The following MSH6 variants were observed in gnomAD, a reference collection of about 807,000 sequenced individuals.
The protein encoded by MSH6 is DNA mismatch repair protein Msh6.
Under a neutral mutation model 119.1 loss-of-function variants are expected in MSH6, and 85 were observed. That is an observed-to-expected ratio of 0.71 (90% CI 0.60 to 0.85). The LOEUF is 0.85. Ranked by LOEUF, MSH6 falls within the 40% of genes least tolerant of loss-of-function variation. The pLI, the probability that MSH6 is intolerant of heterozygous loss-of-function variation, is 0.00. For missense variants in MSH6, 2,163 were observed against 1,655.3 expected, an observed-to-expected ratio of 1.31 and a Z score of -5.32; for synonymous variants, 830 against 586.9, an observed-to-expected ratio of 1.41 and a Z score of -5.99.
Position 47,806,629 on chromosome 2 carries a change from A to C in MSH6, c.3979A>C (p.Asn1327His), listed in dbSNP as rs756216566. 2.2e-5 allele frequency: 35 copies of C among 1,611,910 alleles called. No homozygotes were observed. The highest frequency in any genetic ancestry group is 3.0e-5 in the Non-Finnish European group (35 of 1,179,726). Residue 1327 changes from asparagine (N) to histidine (H), a missense_variant, in exon 9 of 10, where the codon AAT becomes CAT. Transcript: ENST00000234420. Reference protein sequence around the residue: ...HRKAREFEKMNQSLRLFREVC... With the variant: ...HRKAREFEKMHQSLRLFREVC... ...AAAAGCAAGAGAATTTGAGAAGATG[A>C]ATCAGTCACTACGATTATTTCGGTA...
intron 2 of MSH6, among the ~76,000 whole-genome samples, chr2:47,791,957 C>T (rs1018005205): frequency 1.3e-5 from 2 of 152,124 alleles, no homozygotes; most frequent in Non-Finnish European, 2.9e-5. Flanking sequence ...GGTGATTCTC[C>T]TTCCTCAGCC....
chr2:47,806,746 A>AAAAACTTTTTTTTTTTTT, intron 9 of MSH6, 33 bp from the exon 10 acceptor site: 1 of 1,525,020 alleles, frequency 6.6e-7, no homozygotes, highest in Non-Finnish European at 8.9e-7. Flanking sequence ...GAAAAAACAA[A>AAAAACTTTTTTTTTTTTT]AAAACTTTTT....
chr2:47,803,107 G>A (rs1183697658), intron 4 of MSH6, among the ~76,000 whole-genome samples: 3 of 152,024 alleles, frequency 2.0e-5, no homozygotes, highest in Non-Finnish European at 2.9e-5. Context: ...TAGTAGAGAC[G>A]AGGTTTCACC....
intron 2 of MSH6, 33 bp from the exon 3 acceptor site, chr2:47,795,861 G>A (rs377319961): frequency 6.2e-7 from 1 of 1,602,368 alleles, no homozygotes; most frequent in East Asian, 2.2e-5. Context: ...TCTGCACCCG[G>A]CCCTTATTGT....
chr2:47,783,967 G>C, intron 1 of MSH6: 1 of 1,038,888 alleles, frequency 9.6e-7, no homozygotes, highest in Non-Finnish European at 1.2e-6. Context: ...GTCCGGTGGT[G>C]TGGGGTGCGA....
rs867979237 is a variant in MSH6, at chr2:47,783,418, G to T, written c.185G>T (p.Arg62Leu). The T allele has an allele frequency of 2.6e-6, 4 of 1,517,382 alleles. No individual in the cohort carries two copies. The highest frequency in any genetic ancestry group is 3.5e-6 in the Non-Finnish European group (4 of 1,135,420). The allele number at this position is 1,517,382 out of a possible 1,614,324, so 94.0% of individuals were successfully genotyped here. Residue 62 changes from arginine to leucine, a missense_variant, in exon 1 of 10, where the codon CGC (arginine) becomes CTC (leucine). By Grantham distance (102) the Arg-to-Leu change is moderately radical (BLOSUM62 -2). Coordinates refer to ENST00000234420, the MANE Select transcript of MSH6 (RefSeq NM_000179.3). ...GGGCCTGGGCCCAGGCCCTTGGCGCGCTCCGCGTCACCGCCCAAGGCGAAG... is the reference window on the plus strand; with the variant it reads ...GGGCCTGGGCCCAGGCCCTTGGCGCTCTCCGCGTCACCGCCCAAGGCGAAG... ...EAGPGPRPLARSASPPKAKNL... is the reference protein window; with the variant it reads ...EAGPGPRPLALSASPPKAKNL...
At chr2:47,808,988 C>T (rs980550076), downstream of MSH6, 19 of 511,260 alleles carry the variant, frequency 3.7e-5, no homozygotes, top group Admixed American at 1.5e-4. Flanking sequence ...TAAGCCACCA[C>T]GCCTACCCAC....
At chr2:47,797,014 GATTA>G (rs1231327049) in intron 3 of MSH6, among the ~76,000 whole-genome samples, 9 of 152,150 alleles carry the variant, frequency 5.9e-5, no homozygotes, top group Admixed American at 5.9e-4. Context: ...GAAAAAAATT[GATTA>G]ATTTAGAACA....
chr2:47,789,380 T>C, intron 1 of MSH6: 2 of 432,650 alleles, frequency 4.6e-6, no homozygotes, highest in East Asian at 6.7e-5. Context: ...TCAAAACTGA[T>C]AATGGTTGGA....
In MSH6 at chr2:47,796,237, T is replaced by C. The variant is rs574557847; in HGVS notation, c.627+174T>C. ...TGGACTGTAGGATAAGTTAGGTTAC[T>C]TAGAATCTCAACAGCTAGCATCGTT... On this transcript the variant is annotated intron_variant, in intron 3 of 9. Coordinates refer to ENST00000234420, the MANE Select transcript of MSH6 (RefSeq NM_000179.3). Among the ~76,000 whole-genome samples the C allele has an allele frequency of 2.0e-5, 3 of 152,332 alleles. No individual in the cohort carries two copies. The South Asian group carries it at 6.2e-4, about 32-fold the overall frequency.
chr2:47,792,496 G>A (rs1668795056), intron 2 of MSH6, among the ~76,000 whole-genome samples: 1 of 152,160 alleles, frequency 6.6e-6, no homozygotes, highest in Non-Finnish European at 1.5e-5. Flanking sequence ...GCCAAGCAAA[G>A]TAACTTGTTT....
At chr2:47,796,649 C>G (rs1213756035) in intron 3 of MSH6, among the ~76,000 whole-genome samples, 2 of 152,184 alleles carry the variant, frequency 1.3e-5, no homozygotes, top group Non-Finnish European at 2.9e-5. Context: ...CGTTAATGGT[C>G]ATGGATAAAG....
At chr2:47,806,703 G>GAAACAGTAAAAGGGGAAGGGATGAT (rs1558395049) in intron 9 of MSH6, 52 bp downstream of exon 9, 1 of 1,532,566 alleles carries the variant, frequency 6.5e-7, no homozygotes, top group Admixed American at 1.7e-5. Flanking sequence ...AAGTTTCAAA[G>GAAACAGTAAAAGGGGAAGGGATGAT]AAACAGTAAA....
At position 47,798,801 on chromosome 2, in the gene MSH6, G is replaced by T. The variant is rs769610487; in HGVS notation, c.818G>T (p.Gly273Val). ...VEFKPDTKEE[G>V]SSDEISSGVG... ...TTTAAGCCAGACACTAAGGAGGAAGGAAGCAGTGATGAAATAAGCAGTGGA... is the reference window on the plus strand; with the variant it reads ...TTTAAGCCAGACACTAAGGAGGAAGTAAGCAGTGATGAAATAAGCAGTGGA... Residue 273 changes from glycine to valine, a missense_variant, in exon 4 of 10, where the codon GGA becomes GTA. Gly to Val is a moderately radical substitution (Grantham distance 109). Transcript: ENST00000234420. 5.0e-6 allele frequency: 8 copies of T among 1,614,058 alleles called. No homozygotes were observed. The highest frequency in any genetic ancestry group is 2.2e-5 in the East Asian group (1 of 44,898).
intron 5 of MSH6, 30 bp from the exon 6 acceptor site, chr2:47,804,880 A>G (rs2104503016): frequency 6.5e-7 from 1 of 1,543,740 alleles, no homozygotes; most frequent in East Asian, 2.2e-5. Context: ...ACTACCAGTC[A>G]TAAAAGACCT....
At chr2:47,805,839 T>C (rs747597778) in intron 7 of MSH6, 132 bp downstream of exon 7, 219 of 773,716 alleles carry the variant, frequency 2.8e-4, no homozygotes, top group Non-Finnish European at 4.4e-4. Context: ...CTCACCATTG[T>C]GGCACAGACC....
At chr2:47,795,821 C>G (rs1669046074) in intron 2 of MSH6, 73 bp from the exon 3 acceptor site, 1 of 1,366,726 alleles carries the variant, frequency 7.3e-7, no homozygotes, top group Middle Eastern at 1.9e-4. Flanking sequence ...CCAGGCTGGT[C>G]TTGAACTGCT....
downstream of MSH6, chr2:47,808,196 A>G (rs1319355247): frequency 6.2e-7 from 1 of 1,613,542 alleles, no homozygotes; most frequent in Non-Finnish European, 8.5e-7. Context: ...TAGGCTCACC[A>G]GCTAATGTAC....
intron 1 of MSH6, chr2:47,789,537 C>T (rs1455891047): frequency 2.5e-6 from 1 of 398,418 alleles, no homozygotes; most frequent in Non-Finnish European, 5.1e-6. Flanking sequence ...CCTCATACAT[C>T]ATTTAAAACA....
Sources: gnomAD v4.1 joint callset for allele counts (sites outside exome capture counted in the v4.1 genomes callset) on GRCh38, gnomAD v4.1.1 for gene constraint, MANE v1.5 for transcripts, NCBI Gene and HGNC (gene_info 2026-07-23, HGNC 2026-07-21) for gene names.